Variants in NBEA observed in about 807,000 individuals in gnomAD.
NBEA encodes neurobeachin, also known as lysosomal-trafficking regulator 2.
NBEA carries 44 observed loss-of-function variants against 343.4 expected under a neutral mutation model. The observed-to-expected ratio is 0.13, with a 90% CI of 0.10 to 0.16. The LOEUF is 0.16. NBEA is among the 10% of genes least tolerant of loss of function. The pLI is 1.00. For synonymous variants in NBEA, 1,175 were observed against 1,238.7 expected (o/e 0.95, Z 1.08); for missense variants, 2,555 against 3,631.3 (o/e 0.70, Z 7.62).
chr13:35,134,007 G>T lies in NBEA; in HGVS notation c.2337-8262G>T, dbSNP rs138769658. ...TATTATCACTGTAAAAATCAGATGG[G>T]ATTTGAAAGCCCAAAACACAATGAG... On this transcript the variant is annotated intron_variant, in intron 17 of 58. Transcript: ENST00000379939. Among the ~76,000 whole-genome samples the T allele has an allele frequency of 4.0e-3, 601 of 151,978 alleles. 3 individuals are homozygous for T. Among genetic ancestry groups the T allele is most frequent in the African/African-American group, 0.014 (582 of 41,496 alleles).
intron 58 of NBEA, 40 bp from the exon 59 acceptor site, chr13:35,670,861 G>C: frequency 1.4e-6 from 2 of 1,405,968 alleles, no homozygotes; most frequent in Non-Finnish European, 2.0e-6. Flanking sequence ...CCACAGAAAT[G>C]ATTTTATATC....
chr13:35,032,164 C>T (rs2062250025), intron 1 of NBEA, among the ~76,000 whole-genome samples: 1 of 151,570 alleles, frequency 6.6e-6, no homozygotes, highest in African/African-American at 2.4e-5. Flanking sequence ...GGATATATAC[C>T]CAGTAATGGG....
intron 16 of NBEA, among the ~76,000 whole-genome samples, chr13:35,120,350 G>T (rs1488829348): frequency 6.6e-6 from 1 of 152,002 alleles, no homozygotes; most frequent in Admixed American, 6.6e-5. Context: ...ATTGTTACCC[G>T]TATGTTAAAA....
At chr13:34,972,789 AC>A (rs2152500229) in intron 1 of NBEA, among the ~76,000 whole-genome samples, 1 of 152,280 alleles carries the variant, frequency 6.6e-6, no homozygotes. Context: ...GGCGTGAGCC[AC>A]CACACCGGCC....
At chr13:35,196,465 T>C (rs532347623) in intron 31 of NBEA, among the ~76,000 whole-genome samples, 163 bp downstream of exon 31, 1 of 152,276 alleles carries the variant, frequency 6.6e-6, no homozygotes, top group East Asian at 1.9e-4. Flanking sequence ...ATAAGACATC[T>C]TAATAATACA....
At chr13:35,594,220 A>AT (rs1376541080) in intron 47 of NBEA, among the ~76,000 whole-genome samples, 1 of 151,972 alleles carries the variant, frequency 6.6e-6, no homozygotes, top group Non-Finnish European at 1.5e-5. Context: ...TTCAAGGCAC[A>AT]TTTTTTTCCC....
At chr13:35,127,396 G>A (rs564092021) in intron 17 of NBEA, among the ~76,000 whole-genome samples, 3 of 152,260 alleles carry the variant, frequency 2.0e-5, no homozygotes, top group South Asian at 4.1e-4. Context: ...GCTAAGGACC[G>A]CTGGTGAGCA....
At chr13:34,986,520 G>C (rs564757287) in intron 1 of NBEA, among the ~76,000 whole-genome samples, 2 of 150,878 alleles carry the variant, frequency 1.3e-5, no homozygotes, top group African/African-American at 4.8e-5. Flanking sequence ...TGTTGATTTG[G>C]GGTGGAGAGT....
rs116924492 is a variant in NBEA at position 35,034,337 on chromosome 13, C to T, written c.295-6596C>T. Among the ~76,000 whole-genome samples the T allele has an allele frequency of 9.0e-3, 1,368 of 151,994 alleles. 29 individuals carry two copies. Among genetic ancestry groups the T allele is most frequent in the Admixed American group, 0.055 (845 of 15,236 alleles). On this transcript the variant is annotated intron_variant, in intron 1 of 58. Coordinates refer to ENST00000379939, the MANE Select transcript of NBEA (RefSeq NM_001385012.1). ...GATTGATTTGTATATGTTGAACCGT[C>T]CTTGTATCCCAGGGATAAATCCCAT...
At chr13:35,122,076 A>G (rs893708625) in intron 16 of NBEA, among the ~76,000 whole-genome samples, 2 of 152,226 alleles carry the variant, frequency 1.3e-5, no homozygotes, top group African/African-American at 4.8e-5. Context: ...AACAAATGTT[A>G]TAATGAATAT....
At chr13:35,058,591 A>G (rs921474806) in intron 7 of NBEA, 126 bp from the exon 8 acceptor site, 5 of 773,610 alleles carry the variant, frequency 6.5e-6, no homozygotes. Context: ...TAAAGTCTTA[A>G]TTGATGCTTT....
In NBEA at chr13:35,611,040, A is replaced by AG. The variant is rs200395538; in HGVS notation, c.7449+4467dup. On this transcript the variant is annotated intron_variant, in intron 48 of 58. Coordinates refer to ENST00000379939, the MANE Select transcript of NBEA (RefSeq NM_001385012.1). ...CATTAGAATGACTTTAAAAATTAAAAGGGGGAAAAAAAAAAAAACCTCTGA... is the reference window on the plus strand; with the variant it reads ...CATTAGAATGACTTTAAAAATTAAAAGGGGGGAAAAAAAAAAAAACCTCTGA... Among the ~76,000 whole-genome samples the AG allele has an allele frequency of 2.3e-4, 30 of 130,954 alleles. No homozygotes were observed. In the East Asian group the frequency reaches 2.4e-3, roughly 11 times the overall value. 85.9% of individuals were successfully genotyped at this position (130,954 alleles called of 152,430 possible).
intron 30 of NBEA, among the ~76,000 whole-genome samples, chr13:35,189,585 A>G (rs958720937): frequency 1.3e-5 from 2 of 152,024 alleles, no homozygotes; most frequent in African/African-American, 4.8e-5. Flanking sequence ...GCAAGAGAAA[A>G]GCAAAATACA....
At chr13:35,471,904 A>G (rs1236353086) in intron 40 of NBEA, among the ~76,000 whole-genome samples, 1 of 152,112 alleles carries the variant, frequency 6.6e-6, no homozygotes, top group Non-Finnish European at 1.5e-5. Flanking sequence ...GCAAGAGGCA[A>G]ACCGCTCTGA....
intron 41 of NBEA, among the ~76,000 whole-genome samples, chr13:35,502,256 CT>C (rs1266346468): frequency 6.6e-6 from 1 of 152,194 alleles, no homozygotes; most frequent in East Asian, 1.9e-4. Flanking sequence ...TGTTTATTTT[CT>C]TTCCAAAGAA....
intron 47 of NBEA, among the ~76,000 whole-genome samples, chr13:35,601,795 AAAG>A (rs1295946077): frequency 6.8e-6 from 1 of 147,930 alleles, no homozygotes; most frequent in East Asian, 2.0e-4. Context: ...AGAAAAAAAA[AAAG>A]AATGACTGGA....
intron 36 of NBEA, among the ~76,000 whole-genome samples, chr13:35,328,305 A>T (rs2152845844): frequency 6.6e-6 from 1 of 152,110 alleles, no homozygotes; most frequent in Admixed American, 6.6e-5. Flanking sequence ...GGTATACTTT[A>T]AAAATATACA....
At chr13:35,252,636 G>A (rs563569269) in intron 34 of NBEA, among the ~76,000 whole-genome samples, 20 of 152,240 alleles carry the variant, frequency 1.3e-4, no homozygotes, top group African/African-American at 4.8e-4. Context: ...TGGATATGTA[G>A]CTGAACCGAG....
At chr13:35,564,350 C>G (rs115490405) in intron 44 of NBEA, among the ~76,000 whole-genome samples, 14 of 151,848 alleles carry the variant, frequency 9.2e-5, no homozygotes, top group Non-Finnish European at 1.9e-4. Flanking sequence ...GGAATACTTG[C>G]TTTTCATTAA....
Sources: gnomAD v4.1 joint callset for allele counts (sites outside exome capture counted in the v4.1 genomes callset) on GRCh38, gnomAD v4.1.1 for gene constraint, MANE v1.5 for transcripts, NCBI Gene and HGNC (gene_info 2026-07-23, HGNC 2026-07-21) for gene names.